NKAIN2: variants seen among roughly 807,000 people sequenced by gnomAD.
The protein encoded by NKAIN2 is sodium/potassium-transporting ATPase subunit beta-1-interacting protein 2.
Under a neutral mutation model 32.6 loss-of-function variants are expected in NKAIN2, and 14 were observed. That is an observed-to-expected ratio of 0.43 (90% CI 0.28 to 0.67). NKAIN2 has a LOEUF of 0.67. NKAIN2 is among the 30% of genes least tolerant of loss of function. The pLI is 0.17. For synonymous variants in NKAIN2, 80 were observed against 87.2 expected, an observed-to-expected ratio of 0.92 and a Z score of 0.46; for missense variants, 198 against 258.3, an observed-to-expected ratio of 0.77 and a Z score of 1.60.
At chr6:123,896,584 T>A (rs1271743763) in intron 1 of NKAIN2, among the ~76,000 whole-genome samples, 1 of 152,168 alleles carries the variant, frequency 6.6e-6, no homozygotes, top group African/African-American at 2.4e-5. Flanking sequence ...ATCCCCAAGT[T>A]ATAAGTTAAG....
intron 4 of NKAIN2, among the ~76,000 whole-genome samples, chr6:124,662,303 TTATATATA>T: frequency 6.6e-6 from 1 of 150,878 alleles, no homozygotes; most frequent in African/African-American, 2.4e-5. Context: ...AAAGAATAAT[TTATATATA>T]TATATATATG....
At chr6:124,530,670 GA>G (rs1779490530) in intron 3 of NKAIN2, among the ~76,000 whole-genome samples, 3 of 152,184 alleles carry the variant, frequency 2.0e-5, no homozygotes, top group Admixed American at 2.0e-4. Context: ...TGGAGACCCA[GA>G]AAATCTGATA....
intron 4 of NKAIN2, among the ~76,000 whole-genome samples, chr6:124,704,191 G>A (rs9375355): frequency 0.39 from 59,416 of 151,572 alleles, 11,766 homozygotes; most frequent in African/African-American, 0.45. Context: ...AATTTGAAAT[G>A]TGTCATAGAT....
intron 3 of NKAIN2, among the ~76,000 whole-genome samples, chr6:124,357,814 T>C (rs1210661286): frequency 4.3e-5 from 6 of 138,310 alleles, no homozygotes; most frequent in African/African-American, 1.3e-4. Flanking sequence ...TTAGGGTACA[T>C]GTGCACAACG....
chr6:123,844,122 G>A (rs1774997864), intron 1 of NKAIN2, among the ~76,000 whole-genome samples: 1 of 152,172 alleles, frequency 6.6e-6, no homozygotes, highest in South Asian at 2.1e-4. Flanking sequence ...GAAGGTCGGA[G>A]AAGCTTTGGT....
chr6:124,536,702 A>G (rs1779728406), intron 3 of NKAIN2, among the ~76,000 whole-genome samples: 1 of 152,140 alleles, frequency 6.6e-6, no homozygotes, highest in African/African-American at 2.4e-5. Context: ...ACAGACTGGA[A>G]TTACAGATGA....
intron 1 of NKAIN2, among the ~76,000 whole-genome samples, chr6:123,947,627 T>G (rs1055812534): frequency 6.6e-6 from 1 of 152,160 alleles, no homozygotes; most frequent in African/African-American, 2.4e-5. Context: ...GTTTTTTTAT[T>G]GATACAAATA....
At chr6:124,181,419 T>C (rs1011480311) in intron 1 of NKAIN2, among the ~76,000 whole-genome samples, 1 of 152,210 alleles carries the variant, frequency 6.6e-6, no homozygotes, top group Non-Finnish European at 1.5e-5. Context: ...TGCAGCTGGC[T>C]TAAATTTCTC....
rs924787297 is a variant in NKAIN2 at position 124,033,290 on chromosome 6, T to C, written c.54+229036T>C. Among the ~76,000 whole-genome samples the C allele has an allele frequency of 2.0e-5, 3 of 152,102 alleles. No homozygotes were observed. The East Asian group carries it at 5.8e-4, about 29-fold the overall frequency. ...GTTGCATTAATGCCTTAAAATAACT[T>C]GGATGATTATGTAAAAAGCAGTTTT... On this transcript the variant is annotated intron_variant, in intron 1 of 6. Transcript: ENST00000368417.
intron 3 of NKAIN2, among the ~76,000 whole-genome samples, chr6:124,545,637 A>AAT (rs200590738): frequency 0.012 from 1,780 of 150,894 alleles, 17 homozygotes; most frequent in African/African-American, 0.027. Flanking sequence ...TATGTCTAGG[A>AAT]ATATATATAT....
chr6:124,657,933 C>T (rs1031681176), intron 3 of NKAIN2, among the ~76,000 whole-genome samples: 9 of 151,906 alleles, frequency 5.9e-5, no homozygotes, highest in Non-Finnish European at 1.0e-4. Context: ...ATATAAATCA[C>T]TAGGAATTTC....
At chr6:124,820,979 T>C (rs901463421) in intron 6 of NKAIN2, among the ~76,000 whole-genome samples, 2 of 152,050 alleles carry the variant, frequency 1.3e-5, no homozygotes, top group Non-Finnish European at 2.9e-5. Flanking sequence ...TCAAGTAACA[T>C]GTAATACTAT....
chr6:124,737,622 G>T (rs1777016905), intron 4 of NKAIN2, among the ~76,000 whole-genome samples: 1 of 151,930 alleles, frequency 6.6e-6, no homozygotes, highest in Non-Finnish European at 1.5e-5. Context: ...ACAGGAAAAT[G>T]TAAGAAAGTT....
At chr6:123,847,906 C>T (rs1775158643) in intron 1 of NKAIN2, among the ~76,000 whole-genome samples, 1 of 152,092 alleles carries the variant, frequency 6.6e-6, no homozygotes, top group African/African-American at 2.4e-5. Flanking sequence ...TTGGGATCCA[C>T]TGTGCAGTCA....
intron 3 of NKAIN2, among the ~76,000 whole-genome samples, chr6:124,385,150 G>C (rs1347314165): frequency 1.3e-5 from 2 of 152,102 alleles, no homozygotes; most frequent in Non-Finnish European, 2.9e-5. Context: ...GTCACAAATG[G>C]AAAAAGCTCA....
intron 1 of NKAIN2, among the ~76,000 whole-genome samples, chr6:124,257,692 A>T (rs1410766773): frequency 1.3e-5 from 2 of 152,050 alleles, no homozygotes; most frequent in Admixed American, 1.3e-4. Flanking sequence ...CTGTTTCAAA[A>T]CCTAGCAAAT....
chr6:123,995,981 G>T (rs576047624), intron 1 of NKAIN2, among the ~76,000 whole-genome samples: 1 of 152,126 alleles, frequency 6.6e-6, no homozygotes, highest in Non-Finnish European at 1.5e-5. Context: ...CAACAAATTG[G>T]TTTGCAATCT....
intron 5 of NKAIN2, chr6:124,804,665 G>A (rs774829052): frequency 1.3e-5 from 2 of 152,316 alleles, no homozygotes; most frequent in Non-Finnish European, 2.9e-5. Context: ...GCAGCGCACT[G>A]TGCGTGAGCC....
chr6:124,818,609 G>T, intron 6 of NKAIN2, 141 bp downstream of exon 6: 1 of 425,682 alleles, frequency 2.3e-6, no homozygotes. Flanking sequence ...GTCTTGGCTG[G>T]GATAATTTTA....
Sources: allele counts gnomAD v4.1 joint callset (sites outside exome capture counted in the v4.1 genomes callset), GRCh38; gene constraint gnomAD v4.1.1; transcripts MANE v1.5; gene names NCBI Gene and HGNC (gene_info 2026-07-23, HGNC 2026-07-21).